Variants in SPECC1L observed in about 807,000 individuals in gnomAD.
The protein encoded by SPECC1L is sperm antigen with calponin homology and coiled-coil domains 1 like.
A neutral mutation model predicts 116.8 loss-of-function variants in SPECC1L; 40 were observed. That is an observed-to-expected ratio of 0.34 (90% CI 0.27 to 0.45). The LOEUF is 0.45. Ranked by LOEUF, SPECC1L falls within the 20% of genes least tolerant of loss-of-function variation. The pLI is 1.00. For synonymous variants in SPECC1L, 504 were observed against 500.6 expected (o/e 1.01, Z -0.09); for missense variants, 1,110 against 1,373.6 (o/e 0.81, Z 3.03).
intron 14 of SPECC1L, among the ~76,000 whole-genome samples, chr22:24,381,956 T>G (rs2042070527): frequency 6.6e-6 from 1 of 152,198 alleles, no homozygotes; most frequent in Non-Finnish European, 1.5e-5. Flanking sequence ...GCTGAGTGTT[T>G]AAATAGAAGT....
chr22:24,365,646 A>C lies in SPECC1L; in HGVS notation c.2984+14A>C, dbSNP rs1043422013. On this transcript the variant is annotated intron_variant, in intron 13 of 16. Coordinates refer to ENST00000314328, the MANE Select transcript of SPECC1L (RefSeq NM_015330.6). ...AAGCCGAATAAGGTAGAGAACAGTT[A>C]ATATTCATGCATTTCGTGTGTACCT... 5 of 1,613,792 alleles carry C rather than the reference A, an allele frequency of 3.1e-6. No individual in the cohort carries two copies. The African/African-American group carries it at 5.3e-5, about 17-fold the overall frequency.
intron 11 of SPECC1L, among the ~76,000 whole-genome samples, chr22:24,361,684 T>C (rs2146616894): frequency 6.6e-6 from 1 of 151,520 alleles, no homozygotes. Context: ...TAGTCCCAGG[T>C]ACTTGGGAGG....
intron 14 of SPECC1L, among the ~76,000 whole-genome samples, chr22:24,404,252 T>C (rs993001905): frequency 2.6e-5 from 4 of 152,202 alleles, no homozygotes; most frequent in African/African-American, 7.2e-5. Context: ...TTCTTGCTTA[T>C]GGCCCACTGT....
At position 24,390,872 on chromosome 22, in the gene SPECC1L, CTTTTTTT is replaced by C. The variant is rs1016008966; in HGVS notation, c.3088-20696_3088-20690del. Among the ~76,000 whole-genome samples, 21 of 57,114 alleles carry C rather than the reference CTTTTTTT, an allele frequency of 3.7e-4. No homozygotes were observed. In the South Asian group the frequency reaches 9.7e-3, roughly 26 times the overall value. The allele number at this position is 57,114 out of a possible 152,430, so 37.5% of individuals were successfully genotyped here. On this transcript the variant is annotated intron_variant, in intron 14 of 16. Transcript: ENST00000314328. Reference sequence around the variant, plus strand: ...TGTTCCTTTTTTTTTTTTTTCTTTTCTTTTTTTTTTTTTTTTTTTTTTTTTTGAGTCA... The same window carrying C: ...TGTTCCTTTTTTTTTTTTTTCTTTTCTTTTTTTTTTTTTTTTTTTGAGTCA...
chr22:24,358,199 C>T (rs748076469), intron 11 of SPECC1L, among the ~76,000 whole-genome samples: 12 of 150,120 alleles, frequency 8.0e-5, no homozygotes, highest in African/African-American at 1.5e-4. Flanking sequence ...ACTGCAGTCT[C>T]GACTTCCTGG....
intron 14 of SPECC1L, among the ~76,000 whole-genome samples, chr22:24,375,096 T>A (rs1233412527): frequency 6.6e-6 from 1 of 152,030 alleles, no homozygotes; most frequent in Non-Finnish European, 1.5e-5. Flanking sequence ...ATGGACAAAT[T>A]CCTAGAAACA....
intron 14 of SPECC1L, among the ~76,000 whole-genome samples, chr22:24,371,014 A>G (rs2041860815): frequency 2.0e-5 from 3 of 152,182 alleles, no homozygotes; most frequent in African/African-American, 7.2e-5. Flanking sequence ...GCACAATCAT[A>G]TGAGTATACT....
intron 4 of SPECC1L, among the ~76,000 whole-genome samples, chr22:24,313,739 A>ATTT (rs1601537238): frequency 7.0e-6 from 1 of 142,530 alleles, no homozygotes; most frequent in African/African-American, 2.7e-5. Flanking sequence ...AAAGAGAAGG[A>ATTT]TTCTTTTTTT....
chr22:24,407,607 T>C (rs549267822), intron 14 of SPECC1L, among the ~76,000 whole-genome samples: 16 of 152,180 alleles, frequency 1.1e-4, no homozygotes, highest in Admixed American at 8.5e-4. Flanking sequence ...GGCCAGGCGT[T>C]GCCATTGGCC....
At chr22:24,292,503 T>A (rs1212415060) in intron 2 of SPECC1L, among the ~76,000 whole-genome samples, 1 of 152,214 alleles carries the variant, frequency 6.6e-6, no homozygotes, top group Non-Finnish European at 1.5e-5. Context: ...TTCTTTTTTA[T>A]AGGAGAAGAA....
At chr22:24,326,139 G>A (rs1283837783) in intron 6 of SPECC1L, among the ~76,000 whole-genome samples, 1 of 152,138 alleles carries the variant, frequency 6.6e-6, no homozygotes, top group Non-Finnish European at 1.5e-5. Context: ...TTTTAGTAGA[G>A]ACAGGGTTTC....
intron 14 of SPECC1L, among the ~76,000 whole-genome samples, chr22:24,396,329 G>A (rs2146757701): frequency 6.6e-6 from 1 of 151,300 alleles, no homozygotes; most frequent in South Asian, 2.1e-4. Context: ...TTGTTTTTGA[G>A]ACAGGGTCTC....
chr22:24,321,740 C>T lies in SPECC1L; in HGVS notation c.760C>T (p.Arg254Cys), dbSNP rs757573254. The T allele has an allele frequency of 1.4e-5, 23 of 1,614,022 alleles. No homozygotes were observed. Among genetic ancestry groups the T allele is most frequent in the Non-Finnish European group, 1.7e-5 (20 of 1,180,032 alleles). Residue 254 changes from arginine to cysteine, a missense_variant, in exon 5 of 17, where the codon CGT (arginine) becomes TGT (cysteine). Physicochemically the swap from Arg to Cys is radical, Grantham distance 180 (BLOSUM62 -3). Transcript: ENST00000314328. ...LQLQEQNTAI[R>C]EELNQLKNEN... ...GTTGCAGGAACAGAATACTGCCATC[C>T]GTGAAGAACTCAACCAGCTGAAAAA...
intron 9 of SPECC1L, among the ~76,000 whole-genome samples, chr22:24,335,947 A>G (rs1194914324): frequency 6.6e-6 from 1 of 152,110 alleles, no homozygotes; most frequent in East Asian, 1.9e-4. Flanking sequence ...AGTATTATGT[A>G]TAAAGATAGT....
chr22:24,400,425 A>C (rs2042451265), intron 14 of SPECC1L, among the ~76,000 whole-genome samples: 1 of 152,252 alleles, frequency 6.6e-6, no homozygotes, highest in Non-Finnish European at 1.5e-5. Flanking sequence ...GCCAAAAAAT[A>C]ATCCATTGTA....
chr22:24,299,500 T>C (rs73167582), intron 2 of SPECC1L, among the ~76,000 whole-genome samples: 10,073 of 152,246 alleles, frequency 0.066, 441 homozygotes, highest in Non-Finnish European at 0.091. Flanking sequence ...GTCTAAGTGA[T>C]CTCAAGCTGC....
intron 11 of SPECC1L, among the ~76,000 whole-genome samples, chr22:24,360,128 A>C (rs2146611176): frequency 6.6e-6 from 1 of 152,382 alleles, no homozygotes; most frequent in South Asian, 2.1e-4. Context: ...AATAGAATAG[A>C]ATCTGTTACT....
intron 2 of SPECC1L, among the ~76,000 whole-genome samples, chr22:24,279,988 CT>C (rs1569400763): frequency 6.6e-6 from 1 of 152,166 alleles, no homozygotes; most frequent in South Asian, 2.1e-4. Flanking sequence ...TTCCTCATTT[CT>C]TTTTTGAATT....
chr22:24,284,056 T>G lies in SPECC1L; in HGVS notation c.-38+7253T>G, dbSNP rs192690507. Among the ~76,000 whole-genome samples, 280 of 152,298 alleles carry G rather than the reference T, an allele frequency of 1.8e-3. 1 individual carries two copies. Among genetic ancestry groups the G allele is most frequent in the Non-Finnish European group, 2.5e-3 (168 of 68,020 alleles). ...CAACCCATTTTTTGTTTCATTGATC[T>G]CTGTTTTACGTTTTCTATTTCATTG... On this transcript the variant is annotated intron_variant, in intron 2 of 16. Transcript: ENST00000314328.
Sources: allele counts gnomAD v4.1 joint callset (sites outside exome capture counted in the v4.1 genomes callset), GRCh38; gene constraint gnomAD v4.1.1; transcripts MANE v1.5; gene names NCBI Gene and HGNC (gene_info 2026-07-23, HGNC 2026-07-21).